ZNF761: variants seen among roughly 807,000 people sequenced by gnomAD.
ZNF761 encodes the protein zinc finger protein 761.
A neutral mutation model predicts 59.9 loss-of-function variants in ZNF761; 43 were observed. The ratio of observed to expected loss-of-function variants is 0.72; its 90% confidence interval spans 0.56 to 0.92. The LOEUF is 0.92. Among genes scored for constraint, ZNF761 ranks in the 40% least tolerant of loss-of-function variants. The pLI is 0.00. For missense variants in ZNF761, 850 were observed against 906.1 expected (o/e 0.94, Z 0.79); for synonymous variants, 294 against 304.8 (o/e 0.96, Z 0.37).
intron 1 of ZNF761, among the ~76,000 whole-genome samples, chr19:53,438,577 T>C (rs1411526786): frequency 6.6e-6 from 1 of 152,186 alleles, no homozygotes; most frequent in African/African-American, 2.4e-5. Flanking sequence ...GAGGGGCTCC[T>C]TTTCCCCTCC....
In ZNF761 at chr19:53,449,506, T is replaced by C. The variant is rs767670815; in HGVS notation, c.16-6T>C. The C allele has an allele frequency of 2.4e-5, 39 of 1,613,962 alleles. No individual in the cohort carries two copies. The South Asian group carries it at 4.2e-4, about 17-fold the overall frequency. On this transcript the variant is annotated splice_polypyrimidine_tract_variant and splice_region_variant and intron_variant, in intron 3 of 4. Coordinates refer to ENST00000684525, the MANE Select transcript of ZNF761 (RefSeq NM_001289951.2). ...ACCATTTGGTTAAAATGTGTTTTCA[T>C]TTCAGGGTCTATTGACATTCAGGGA... is the stretch of plus-strand genomic sequence containing the variant.
In ZNF761 at chr19:53,456,958, CAGG is replaced by C; in HGVS notation, c.*213_*215del. On this transcript the variant is annotated 3_prime_UTR_variant, in exon 5 of 5. Coordinates refer to ENST00000684525, the MANE Select transcript of ZNF761 (RefSeq NM_001289951.2). ...CAGTCGCACATCAAACCGTGAAAGA[CAGG>C]AGAATTCATACTGGAGAGAAACCAT... 1.4e-6 allele frequency: 1 copy of C among 727,702 alleles called. No individual in the cohort carries two copies. The highest frequency in any genetic ancestry group is 1.7e-5 in the South Asian group (1 of 58,962). 45.1% of individuals were successfully genotyped at this position (727,702 alleles called of 1,614,324 possible). A position where few individuals can be genotyped will look rare whatever the true frequency, so the allele number is the denominator to read the frequency against.
chr19:53,442,853 C>T (rs2086114534), intron 1 of ZNF761: 2 of 435,858 alleles, frequency 4.6e-6, no homozygotes, highest in Non-Finnish European at 4.3e-6. Context: ...GAGCCCAATG[C>T]ATAATGTCTT....
In ZNF761 at chr19:53,449,252, C is replaced by G. The variant is rs1600094458; in HGVS notation, c.16-260C>G. Among the ~76,000 whole-genome samples, 3 of 152,142 alleles carry G rather than the reference C, an allele frequency of 2.0e-5. No homozygotes were observed. The South Asian group carries it at 6.2e-4, about 32-fold the overall frequency. ...GGCTAAGGCAGGAAAATCGCTTGAT[C>G]CTAGGAGGTGGAGGTTGCAGTGAGC... On this transcript the variant is annotated intron_variant, in intron 3 of 4. Coordinates refer to ENST00000684525, the MANE Select transcript of ZNF761 (RefSeq NM_001289951.2).
At chr19:53,453,991 T>G (rs79734836) in intron 4 of ZNF761, among the ~76,000 whole-genome samples, 1 of 152,176 alleles carries the variant, frequency 6.6e-6, no homozygotes, top group Non-Finnish European at 1.5e-5. Flanking sequence ...TTTTTTTTTT[T>G]GAGGTAGAGT....
At chr19:53,444,322 C>G (rs1823480394) in intron 1 of ZNF761, 1 of 152,198 alleles carries the variant, frequency 6.6e-6, no homozygotes, top group South Asian at 2.1e-4. Flanking sequence ...ATTGTACATT[C>G]TATTTACTGA....
At chr19:53,452,206 G>C (rs1477484121) in intron 4 of ZNF761, among the ~76,000 whole-genome samples, 2 of 152,148 alleles carry the variant, frequency 1.3e-5, no homozygotes, top group Non-Finnish European at 2.9e-5. Context: ...AAATTGGCCA[G>C]TTGTGGTGGC....
chr19:53,432,459 CT>C (rs1324771857), intron 1 of ZNF761, among the ~76,000 whole-genome samples: 1 of 152,158 alleles, frequency 6.6e-6, no homozygotes, highest in Non-Finnish European at 1.5e-5. Context: ...GCTGTCGCCC[CT>C]TCACCTCCCT....
chr19:53,458,224 A>G lies in ZNF761; in HGVS notation c.*1476A>G, dbSNP rs1331991605. 2 of 169,206 alleles carry G rather than the reference A, an allele frequency of 1.2e-5. No homozygotes were observed. Among genetic ancestry groups the G allele is most frequent in the Non-Finnish European group, 2.5e-5 (2 of 78,892 alleles). 10.5% of individuals were successfully genotyped at this position (169,206 alleles called of 1,614,324 possible). On this transcript the variant is annotated 3_prime_UTR_variant, in exon 5 of 5. Coordinates refer to ENST00000684525, the MANE Select transcript of ZNF761 (RefSeq NM_001289951.2). ...GATTTTCTACACAGAAGATTATGTCATCTACAAACAAATATAATTTTACTT... is the reference window on the plus strand; with the variant it reads ...GATTTTCTACACAGAAGATTATGTCGTCTACAAACAAATATAATTTTACTT...
At chr19:53,440,077 G>C (rs1387150524) in intron 1 of ZNF761, among the ~76,000 whole-genome samples, 2 of 152,138 alleles carry the variant, frequency 1.3e-5, no homozygotes, top group Admixed American at 6.5e-5. Context: ...ACCATTTTCA[G>C]AGACTGGGGC....
intron 1 of ZNF761, among the ~76,000 whole-genome samples, chr19:53,439,361 A>C (rs1180977768): frequency 6.6e-6 from 1 of 151,498 alleles, no homozygotes; most frequent in East Asian, 2.0e-4. Context: ...GCGGGAGTGC[A>C]CTGGCGTGGT....
chr19:53,437,205 C>T (rs2086052088), intron 1 of ZNF761, among the ~76,000 whole-genome samples: 1 of 151,860 alleles, frequency 6.6e-6, no homozygotes, highest in Non-Finnish European at 1.5e-5. Flanking sequence ...GTAATCCCAC[C>T]TACTAGGGAG....
intron 1 of ZNF761, among the ~76,000 whole-genome samples, chr19:53,439,075 A>T (rs1331999665): frequency 6.6e-6 from 1 of 152,118 alleles, no homozygotes; most frequent in Non-Finnish European, 1.5e-5. Context: ...GTCCAAGACC[A>T]GACTGGCCAA....
Position 53,452,685 on chromosome 19 carries a change from A to C in ZNF761, c.143-1965A>C, listed in dbSNP as rs371772880. Among the ~76,000 whole-genome samples, 496 of 152,310 alleles carry C rather than the reference A, an allele frequency of 3.3e-3. 1 individual carries two copies. The highest frequency in any genetic ancestry group is 6.8e-3 in the Middle Eastern group (2 of 294). ...AGCCAAATTGGTTCCTGGTGAGAGC[A>C]TTCTTCATGGTTTAGCCCAGCCATC... On this transcript the variant is annotated intron_variant, in intron 4 of 4. Transcript: ENST00000684525.
chr19:53,456,438 G>A lies in ZNF761; in HGVS notation c.1931G>A (p.Arg644His), dbSNP rs147997360. Residue 644 changes from arginine to histidine, a missense_variant, in exon 5 of 5, where the codon CGT (arginine) becomes CAT (histidine). By Grantham distance (29) the Arg-to-His change is conservative (BLOSUM62 0). Coordinates refer to ENST00000684525, the MANE Select transcript of ZNF761 (RefSeq NM_001289951.2). ...TGTGAAGAATGTGACAAAGCTTTCC[G>A]TGTGAAATCAAACCTTGAAGGACAT... Reference protein sequence around the residue: ...YKCEECDKAFRVKSNLEGHRR... With the variant: ...YKCEECDKAFHVKSNLEGHRR... The A allele has an allele frequency of 1.2e-3, 1,873 of 1,613,726 alleles. 10 individuals are homozygous for A. Among genetic ancestry groups the A allele is most frequent in the Middle Eastern group, 7.4e-3 (45 of 6,062 alleles).
chr19:53,440,261 C>T (rs942574749), intron 1 of ZNF761, among the ~76,000 whole-genome samples: 6 of 152,058 alleles, frequency 3.9e-5, no homozygotes, highest in African/African-American at 1.4e-4. Context: ...CCCAGGAAGT[C>T]CAGGCTGCTG....
chr19:53,455,087 A>G lies in ZNF761; in HGVS notation c.580A>G (p.Asn194Asp), dbSNP rs1454772417. ...AACCCATATATCTAATAACCATGGG[A>G]ATAATTTCTGGAATTCTTCATTACT... is the stretch of plus-strand genomic sequence containing the variant. ...PKTHISNNHG[N>D]NFWNSSLLTQ... is the part of the protein sequence containing the mutation. Residue 194 changes from asparagine (N) to aspartate (D), a missense_variant, in exon 5 of 5, where the codon AAT becomes GAT. By Grantham distance (23) the Asn-to-Asp change is conservative (BLOSUM62 1). Transcript: ENST00000684525. The G allele has an allele frequency of 1.2e-6, 2 of 1,614,052 alleles. No homozygotes were observed. The highest frequency in any genetic ancestry group is 1.7e-6 in the Non-Finnish European group (2 of 1,180,028).
intron 4 of ZNF761, among the ~76,000 whole-genome samples, chr19:53,453,458 A>C (rs2086238186): frequency 6.6e-6 from 1 of 152,164 alleles, no homozygotes; most frequent in African/African-American, 2.4e-5. Flanking sequence ...GGTTGTATAA[A>C]TGTACTTATT....
chr19:53,444,829 G>A (rs2086138341), intron 1 of ZNF761, among the ~76,000 whole-genome samples: 1 of 152,116 alleles, frequency 6.6e-6, no homozygotes, highest in Non-Finnish European at 1.5e-5. Flanking sequence ...CACAGAGCTG[G>A]GTGTTCCAAA....
Sources: allele counts gnomAD v4.1 joint callset (sites outside exome capture counted in the v4.1 genomes callset), GRCh38; gene constraint gnomAD v4.1.1; transcripts MANE v1.5; gene names NCBI Gene and HGNC (gene_info 2026-07-23, HGNC 2026-07-21).